RYR3: variants seen among roughly 807,000 people sequenced by gnomAD.
The protein encoded by RYR3 is brain ryanodine receptor-calcium release channel.
Under a neutral mutation model 584.3 loss-of-function variants are expected in RYR3, and 207 were observed. The observed-to-expected ratio is 0.35, with a 90% CI of 0.32 to 0.40. The LOEUF is 0.40. Among genes scored for constraint, RYR3 ranks in the 10% least tolerant of loss-of-function variants. RYR3 has a pLI of 1.00. For synonymous variants in RYR3, 2,416 were observed against 2,248.5 expected, an observed-to-expected ratio of 1.07 and a Z score of -2.11; for missense variants, 5,616 against 6,089.2, an observed-to-expected ratio of 0.92 and a Z score of 2.59.
At chr15:33,699,057 A>G (rs2066068442) in intron 40 of RYR3, among the ~76,000 whole-genome samples, 1 of 152,132 alleles carries the variant, frequency 6.6e-6, no homozygotes, top group Non-Finnish European at 1.5e-5. Flanking sequence ...TACAAGTGCT[A>G]TGGAATCCCA....
intron 68 of RYR3, 57 bp downstream of exon 68, chr15:33,800,914 A>C (rs990867407): frequency 1.4e-4 from 178 of 1,241,838 alleles, no homozygotes; most frequent in Non-Finnish European, 2.1e-4. Flanking sequence ...CAGACCGTGG[A>C]AAACTGTTGA....
At chr15:33,474,207 T>C (rs2049171993) in intron 2 of RYR3, among the ~76,000 whole-genome samples, 2 of 152,208 alleles carry the variant, frequency 1.3e-5, no homozygotes, top group Non-Finnish European at 2.9e-5. Flanking sequence ...GTCAGGGTTC[T>C]CCAGAGAAAC....
chr15:33,405,031 AT>A (rs1488021271), intron 1 of RYR3, among the ~76,000 whole-genome samples: 5 of 152,196 alleles, frequency 3.3e-5, no homozygotes, highest in African/African-American at 1.2e-4. Flanking sequence ...CATTTGGTAA[AT>A]TGAACTAATA....
chr15:33,803,811 G>A (rs574203354), intron 69 of RYR3, among the ~76,000 whole-genome samples: 7 of 152,270 alleles, frequency 4.6e-5, no homozygotes, highest in East Asian at 1.9e-4. Flanking sequence ...CACAGCTCCC[G>A]GCCTTATCTT....
intron 1 of RYR3, among the ~76,000 whole-genome samples, chr15:33,329,873 T>C (rs748918366): frequency 6.6e-6 from 1 of 152,174 alleles, no homozygotes; most frequent in African/African-American, 2.4e-5. Flanking sequence ...TGTGGCAATG[T>C]AATGCCAAGG....
chr15:33,730,170 A>G (rs2068828788), intron 47 of RYR3, among the ~76,000 whole-genome samples: 1 of 151,286 alleles, frequency 6.6e-6, no homozygotes, highest in African/African-American at 2.4e-5. Flanking sequence ...GTTGTTTTGA[A>G]CTTTTCTATA....
intron 1 of RYR3, among the ~76,000 whole-genome samples, chr15:33,428,809 A>C (rs2141699521): frequency 6.6e-6 from 1 of 152,346 alleles, no homozygotes; most frequent in East Asian, 1.9e-4. Context: ...AAAAAAGTCA[A>C]AGTTGTTAGC....
intron 38 of RYR3, among the ~76,000 whole-genome samples, chr15:33,686,139 A>C (rs2064990815): frequency 6.6e-6 from 1 of 152,304 alleles, no homozygotes; most frequent in South Asian, 2.1e-4. Flanking sequence ...CCTTCAAAAA[A>C]ATCAATCCAG....
chr15:33,418,215 C>T (rs1430968138), intron 1 of RYR3, among the ~76,000 whole-genome samples: 1 of 152,064 alleles, frequency 6.6e-6, no homozygotes, highest in African/African-American at 2.4e-5. Flanking sequence ...AGAGGAGTCC[C>T]TCTTCCTCGA....
At chr15:33,417,926 A>G (rs943097958) in intron 1 of RYR3, among the ~76,000 whole-genome samples, 1 of 152,104 alleles carries the variant, frequency 6.6e-6, no homozygotes, top group Non-Finnish European at 1.5e-5. Context: ...TTCTTCATCT[A>G]TTGAGATGAT....
rs757207323 is a variant in RYR3, at chr15:33,636,345, T to C, written c.3382-31T>C. On this transcript the variant is annotated intron_variant, in intron 26 of 103. Coordinates refer to ENST00000634891, the MANE Select transcript of RYR3 (RefSeq NM_001036.6). Reference sequence around the variant, plus strand: ...GCTGCTGGGGCCTCTAGAGACTCCATTTCTCTAAGCCCTAGAGTCTTGTTT... The same window carrying C: ...GCTGCTGGGGCCTCTAGAGACTCCACTTCTCTAAGCCCTAGAGTCTTGTTT... The C allele has an allele frequency of 2.5e-6, 4 of 1,605,922 alleles. No homozygotes were observed. In the South Asian group the frequency reaches 3.3e-5, roughly 13 times the overall value.
chr15:33,805,932 TCTC>T (rs2152937490), intron 69 of RYR3, among the ~76,000 whole-genome samples: 1 of 150,790 alleles, frequency 6.6e-6, no homozygotes, highest in Non-Finnish European at 1.5e-5. Flanking sequence ...CCTCCCCTTT[TCTC>T]CTCCCTTCCC....
At chr15:33,600,906 C>T (rs538978026) in intron 16 of RYR3, among the ~76,000 whole-genome samples, 2 of 152,220 alleles carry the variant, frequency 1.3e-5, no homozygotes, top group East Asian at 1.9e-4. Context: ...TTAAGACCTC[C>T]GCTAATACTC....
At chr15:33,585,817 G>C (rs1283055613) in intron 15 of RYR3, among the ~76,000 whole-genome samples, 181 bp from the exon 16 acceptor site, 1 of 152,176 alleles carries the variant, frequency 6.6e-6, no homozygotes, top group East Asian at 1.9e-4. Flanking sequence ...TGGCCCCCAG[G>C]GGGCTCTGAA....
At chr15:33,337,934 A>ATTTTTTGTTTTTTTT (rs1971330307) in intron 1 of RYR3, among the ~76,000 whole-genome samples, 1 of 113,550 alleles carries the variant, frequency 8.8e-6, no homozygotes, top group Non-Finnish European at 1.7e-5. Context: ...ATTTTAGGAG[A>ATTTTTTGTTTTTTTT]TTTTTTTTTT....
chr15:33,809,141 C>G (rs2076371886), intron 70 of RYR3, among the ~76,000 whole-genome samples: 1 of 152,210 alleles, frequency 6.6e-6, no homozygotes, highest in African/African-American at 2.4e-5. Flanking sequence ...CCCTACTCTT[C>G]TCTTCCAAAA....
chr15:33,332,465 A>G (rs879833136), intron 1 of RYR3, among the ~76,000 whole-genome samples: 16 of 151,870 alleles, frequency 1.1e-4, no homozygotes, highest in Non-Finnish European at 2.1e-4. Flanking sequence ...AATTAATAAG[A>G]CACTGCATTC....
At chr15:33,411,393 A>G (rs551143236) in intron 1 of RYR3, among the ~76,000 whole-genome samples, 2 of 152,358 alleles carry the variant, frequency 1.3e-5, no homozygotes, top group South Asian at 4.1e-4. Context: ...GACATCTGTC[A>G]CTGCAAATAT....
At position 33,729,360 on chromosome 15, in the gene RYR3, C is replaced by T. The variant is rs116797075; in HGVS notation, c.7203+334C>T. 8.9e-3 allele frequency among the ~76,000 whole-genome samples: 1,360 copies of T among 152,166 alleles called. 5 individuals carry two copies. The highest frequency in any genetic ancestry group is 0.016 in the African/African-American group (663 of 41,516). Reference sequence around the variant, plus strand: ...AGATATCAGTAGCACCCCAGTTCACCGCGAATCCCTGCCAAAATCAATTTC... The same window carrying T: ...AGATATCAGTAGCACCCCAGTTCACTGCGAATCCCTGCCAAAATCAATTTC... On this transcript the variant is annotated intron_variant, in intron 47 of 103. Transcript: ENST00000634891.
Sources: gnomAD v4.1 joint callset for allele counts (sites outside exome capture counted in the v4.1 genomes callset) on GRCh38, gnomAD v4.1.1 for gene constraint, MANE v1.5 for transcripts, NCBI Gene and HGNC (gene_info 2026-07-23, HGNC 2026-07-21) for gene names.